TRAPPC9: variants seen among roughly 807,000 people sequenced by gnomAD.
TRAPPC9 encodes trafficking protein particle complex subunit 9, also known as IKK2 binding protein.
A neutral mutation model predicts 124.0 loss-of-function variants in TRAPPC9; 83 were observed. The observed-to-expected ratio is 0.67, with a 90% CI of 0.56 to 0.80. The LOEUF is 0.80. TRAPPC9 is among the 30% of genes least tolerant of loss of function. TRAPPC9 has a pLI of 0.00. For missense variants in TRAPPC9, 1,302 were observed against 1,508.3 expected, an observed-to-expected ratio of 0.86 and a Z score of 2.27; for synonymous variants, 638 against 617.5, an observed-to-expected ratio of 1.03 and a Z score of -0.49.
intron 20 of TRAPPC9, among the ~76,000 whole-genome samples, 170 bp from the exon 21 acceptor site, chr8:139,886,139 C>A (rs755349537): frequency 2.2e-4 from 34 of 152,214 alleles, no homozygotes; most frequent in Non-Finnish European, 4.6e-4. Context: ...GGTATGTGGA[C>A]ATCAGGGGCA....
At chr8:140,236,136 G>A (rs2063726001) in intron 16 of TRAPPC9, among the ~76,000 whole-genome samples, 4 of 142,724 alleles carry the variant, frequency 2.8e-5, no homozygotes, top group Non-Finnish European at 6.0e-5. Context: ...AGGCTGGAGT[G>A]CTGTGGCGTG....
At chr8:139,821,525 A>T (rs944320576) in intron 21 of TRAPPC9, among the ~76,000 whole-genome samples, 1 of 152,214 alleles carries the variant, frequency 6.6e-6, no homozygotes, top group Admixed American at 6.5e-5. Flanking sequence ...CATATGCATC[A>T]ATGTGAGCCT....
chr8:140,349,374 A>AGGCACGCAAGGAG (rs1371474376), intron 9 of TRAPPC9, among the ~76,000 whole-genome samples: 1 of 72,288 alleles, frequency 1.4e-5, no homozygotes, highest in African/African-American at 5.0e-5. Context: ...CGCGCGAGGG[A>AGGCACGCAAGGAG]AGGGCACACA....
intron 4 of TRAPPC9, 119 bp downstream of exon 4, chr8:140,434,993 T>C: frequency 6.8e-7 from 1 of 1,475,634 alleles, no homozygotes; most frequent in Non-Finnish European, 9.1e-7. Context: ...AATTACTGAC[T>C]CAACAGATTT....
intron 9 of TRAPPC9, among the ~76,000 whole-genome samples, chr8:140,354,474 T>C (rs1055312602): frequency 3.3e-5 from 5 of 152,182 alleles, no homozygotes; most frequent in Non-Finnish European, 5.9e-5. Flanking sequence ...TCCATGTAAA[T>C]ACTTGCCCTA....
chr8:140,217,081 G>A (rs192593724), intron 17 of TRAPPC9, among the ~76,000 whole-genome samples: 3 of 152,246 alleles, frequency 2.0e-5, no homozygotes, highest in South Asian at 2.1e-4. Context: ...TCCCAACCCC[G>A]GGGCACCGTA....
At chr8:139,838,120 C>T (rs757260704) in intron 21 of TRAPPC9, among the ~76,000 whole-genome samples, 5 of 152,190 alleles carry the variant, frequency 3.3e-5, no homozygotes, top group East Asian at 1.9e-4. Context: ...CAGTTCCCCA[C>T]AGCCACAGCC....
At chr8:139,828,430 A>G (rs1239335717) in intron 21 of TRAPPC9, among the ~76,000 whole-genome samples, 1 of 152,264 alleles carries the variant, frequency 6.6e-6, no homozygotes, top group Admixed American at 6.5e-5. Flanking sequence ...AATAAGCCAG[A>G]CAATGCGGCC....
At chr8:140,449,301 A>G (rs1161002988) in intron 2 of TRAPPC9, among the ~76,000 whole-genome samples, 1 of 152,176 alleles carries the variant, frequency 6.6e-6, no homozygotes, top group Non-Finnish European at 1.5e-5. Context: ...AGCCAATCCT[A>G]TACAGGAGGA....
At chr8:140,233,158 T>C (rs1412190745) in intron 16 of TRAPPC9, among the ~76,000 whole-genome samples, 2 of 152,182 alleles carry the variant, frequency 1.3e-5, no homozygotes, top group Non-Finnish European at 1.5e-5. Flanking sequence ...CCTCAAAATG[T>C]TTCTTCTGCA....
intron 21 of TRAPPC9, among the ~76,000 whole-genome samples, chr8:139,815,600 C>T (rs1261686460): frequency 6.6e-6 from 1 of 152,136 alleles, no homozygotes; most frequent in Non-Finnish European, 1.5e-5. Flanking sequence ...CCATGTTGGC[C>T]AGGCTGGTCT....
At position 139,730,833 on chromosome 8, in the gene TRAPPC9, G is replaced by A. The variant is rs928227743; in HGVS notation, c.*228C>T. On this transcript the variant is annotated 3_prime_UTR_variant, in exon 23 of 23. Coordinates refer to ENST00000438773, the MANE Select transcript of TRAPPC9 (RefSeq NM_001160372.4). ...TCTGCTTCAGCCTGTGTATGGTCCA[G>A]GGAACAGTGTAGGAAGGGGCGTGGC... 3.4e-6 allele frequency: 2 copies of A among 585,628 alleles called. No homozygotes were observed. The highest frequency in any genetic ancestry group is 6.1e-6 in the Non-Finnish European group (2 of 329,000). 36.3% of individuals were successfully genotyped at this position (585,628 alleles called of 1,614,324 possible). A position where few individuals can be genotyped will look rare whatever the true frequency, so the allele number is the denominator to read the frequency against.
In TRAPPC9 at chr8:140,156,390, G is replaced by A. The variant is rs150265316; in HGVS notation, c.2556+65069C>T. 9.9e-3 allele frequency among the ~76,000 whole-genome samples: 1,504 copies of A among 152,292 alleles called. 26 individuals carry two copies. The highest frequency in any genetic ancestry group is 0.034 in the African/African-American group (1,399 of 41,532). Reference sequence around the variant, plus strand: ...GAAAATAATGATAATGCTCCCACACGGGGATCCTGCGAGGCTCAAATGAAA... The same window carrying A: ...GAAAATAATGATAATGCTCCCACACAGGGATCCTGCGAGGCTCAAATGAAA... On this transcript the variant is annotated intron_variant, in intron 17 of 22. Transcript: ENST00000438773.
chr8:139,812,784 G>A (rs147561325), intron 21 of TRAPPC9, among the ~76,000 whole-genome samples: 7 of 152,294 alleles, frequency 4.6e-5, no homozygotes, highest in African/African-American at 1.7e-4. Flanking sequence ...TTGAACCCTT[G>A]GAAGAGCTTT....
chr8:140,026,331 G>A (rs987423851), intron 17 of TRAPPC9, among the ~76,000 whole-genome samples: 1 of 152,158 alleles, frequency 6.6e-6, no homozygotes, highest in Non-Finnish European at 1.5e-5. Context: ...CCTGCTTTCG[G>A]TTCTTTGGGG....
chr8:139,732,181 G>T lies in TRAPPC9; in HGVS notation c.3077C>A (p.Pro1026Gln), dbSNP rs1329274434. The T allele has an allele frequency of 1.3e-6, 2 of 1,594,964 alleles. No homozygotes were observed. Among genetic ancestry groups the T allele is most frequent in the East Asian group, 4.5e-5 (2 of 44,466 alleles). The change falls in exon 22 of 23, where the codon CCA (proline) becomes CAA (glutamine). Residue 1026 changes from proline to glutamine, a missense_variant. Physicochemically the swap from Pro to Gln is moderately conservative, Grantham distance 76 (BLOSUM62 -1). Transcript: ENST00000438773. The stretch of plus-strand genomic sequence containing the variant: ...GGCCGCCACAGCCTCGCGGTCACAT[G>T]GCTGTCCGTCCACCAGCACATCTGT... ...LQWDVLVDGQ[P>Q]CDREAVAACQ...
intron 21 of TRAPPC9, among the ~76,000 whole-genome samples, chr8:139,838,597 C>T (rs767144892): frequency 6.6e-5 from 10 of 152,118 alleles, no homozygotes; most frequent in Non-Finnish European, 1.3e-4. Flanking sequence ...TCTCCTTGGC[C>T]GCAGAGTTAG....
At chr8:139,829,527 G>A (rs1825841144) in intron 21 of TRAPPC9, among the ~76,000 whole-genome samples, 1 of 152,184 alleles carries the variant, frequency 6.6e-6, no homozygotes, top group South Asian at 2.1e-4. Flanking sequence ...CTAACACACA[G>A]TCCCAGGAGG....
intron 17 of TRAPPC9, among the ~76,000 whole-genome samples, chr8:140,041,243 C>T (rs1274636986): frequency 6.6e-6 from 1 of 152,150 alleles, no homozygotes; most frequent in Non-Finnish European, 1.5e-5. Context: ...ATAATCAATA[C>T]CATCAACATA....
Sources: gnomAD v4.1 joint callset for allele counts (sites outside exome capture counted in the v4.1 genomes callset) on GRCh38, gnomAD v4.1.1 for gene constraint, MANE v1.5 for transcripts, NCBI Gene and HGNC (gene_info 2026-07-23, HGNC 2026-07-21) for gene names.